The following SNX13 variants were observed in gnomAD, a reference collection of about 807,000 sequenced individuals.
SNX13 encodes the protein sorting nexin 13.
SNX13 carries 45 observed loss-of-function variants against 133.6 expected under a neutral mutation model. The ratio of observed to expected loss-of-function variants is 0.34; its 90% confidence interval spans 0.27 to 0.43. The LOEUF (loss-of-function observed/expected upper bound fraction) is 0.43. Among genes scored for constraint, SNX13 ranks in the 20% least tolerant of loss-of-function variants. The pLI, the probability that SNX13 is intolerant of heterozygous loss-of-function variation, is 1.00. For missense variants in SNX13, 1,032 were observed against 1,145.1 expected, an observed-to-expected ratio of 0.90 and a Z score of 1.43; for synonymous variants, 414 against 373.9, an observed-to-expected ratio of 1.11 and a Z score of -1.24.
chr7:17,833,486 C>T (rs1224847466), intron 15 of SNX13, among the ~76,000 whole-genome samples: 1 of 151,550 alleles, frequency 6.6e-6, no homozygotes, highest in Admixed American at 6.6e-5. Flanking sequence ...TCGAAATATT[C>T]TGACTCTTAA....
intron 1 of SNX13, among the ~76,000 whole-genome samples, chr7:17,902,242 GTTTT>G (rs71010277): frequency 0.25 from 30,227 of 120,408 alleles, 4,170 homozygotes; most frequent in Non-Finnish European, 0.32. Flanking sequence ...TACTGTCATG[GTTTT>G]TTTTTTTTTT....
chr7:17,839,058 T>C (rs1226746747), intron 13 of SNX13, among the ~76,000 whole-genome samples: 4 of 149,864 alleles, frequency 2.7e-5, no homozygotes, highest in Non-Finnish European at 5.9e-5. Context: ...TTAGATTACA[T>C]TATTAGAATA....
At chr7:17,881,316 G>T (rs1174321004) in intron 5 of SNX13, 2 of 150,614 alleles carry the variant, frequency 1.3e-5, no homozygotes, top group East Asian at 3.9e-4. Context: ...AAGGGAAAAG[G>T]TATATACATA....
At chr7:17,825,272 G>GACTAA (rs1188166134) in intron 17 of SNX13, among the ~76,000 whole-genome samples, 1 of 144,964 alleles carries the variant, frequency 6.9e-6, no homozygotes, top group Non-Finnish European at 1.6e-5. Context: ...GACTAGACTA[G>GACTAA]ACTAGACTAG....
Position 17,792,962 on chromosome 7 carries a change from A to T in SNX13, c.*1083T>A, listed in dbSNP as rs1165051535. 1 of 152,342 alleles carries T rather than the reference A, an allele frequency of 6.6e-6. No homozygotes were observed. The highest frequency in any genetic ancestry group is 1.5e-5 in the Non-Finnish European group (1 of 67,878). 9.4% of individuals were successfully genotyped at this position (152,342 alleles called of 1,614,324 possible). A position where few individuals can be genotyped will look rare whatever the true frequency, so the allele number is the denominator to read the frequency against. On this transcript the variant is annotated 3_prime_UTR_variant, in exon 26 of 26. Transcript: ENST00000428135. Reference sequence around the variant, plus strand: ...TTACATTATGTGAAATATAAATAAAAGCATATTTTTAAAAATATTATAGTT... The same window carrying T: ...TTACATTATGTGAAATATAAATAAATGCATATTTTTAAAAATATTATAGTT...
chr7:17,806,736 TCCA>T (rs958555870), intron 20 of SNX13, among the ~76,000 whole-genome samples: 4 of 152,096 alleles, frequency 2.6e-5, no homozygotes, highest in Non-Finnish European at 4.4e-5. Flanking sequence ...GGGTGATTTT[TCCA>T]TTTCCAACTG....
intron 5 of SNX13, chr7:17,882,874 C>T: frequency 7.8e-7 from 1 of 1,281,636 alleles, no homozygotes; most frequent in South Asian, 1.3e-5. Context: ...AAACAGGGTT[C>T]CAGGAAGCGG....
chr7:17,893,901 G>A (rs573119603), intron 2 of SNX13, among the ~76,000 whole-genome samples: 38 of 151,552 alleles, frequency 2.5e-4, no homozygotes, highest in African/African-American at 8.2e-4. Context: ...GAACCTGGGA[G>A]GCAGAGATTG....
rs1438228748 is a variant in SNX13, at chr7:17,798,971, G to GT, written c.2444+37dup. 3 of 1,586,224 alleles carry GT rather than the reference G, an allele frequency of 1.9e-6. No individual in the cohort carries two copies. In the African/African-American group the frequency reaches 4.1e-5, roughly 22 times the overall value. ...CCAGAAGTAAGAGTTTAATAGCTAA[G>GT]TAAGATCAGATTAAAAGCGAGGAGG... On this transcript the variant is annotated intron_variant, in intron 23 of 25. Coordinates refer to ENST00000428135, the MANE Select transcript of SNX13 (RefSeq NM_015132.5).
chr7:17,875,066 G>C (rs1794563925), intron 7 of SNX13, among the ~76,000 whole-genome samples: 1 of 152,112 alleles, frequency 6.6e-6, no homozygotes, highest in Non-Finnish European at 1.5e-5. Flanking sequence ...GAGTGCAATA[G>C]CATGATCACA....
At position 17,830,971 on chromosome 7, in the gene SNX13, T is replaced by C. The variant is rs999042005; in HGVS notation, c.1598-924A>G. The C allele has an allele frequency of 4.1e-6, 4 of 984,278 alleles. No individual in the cohort carries two copies. The Admixed American group carries it at 2.5e-4, about 61-fold the overall frequency. The allele number at this position is 984,278 out of a possible 1,614,324, so 61.0% of individuals were successfully genotyped here. ...AACATTTCTTGGTTCTTCAGCCCTC[T>C]GGTCATAAAAAAATGGGAATTTCAC... is the stretch of plus-strand genomic sequence containing the variant. On this transcript the variant is annotated intron_variant, in intron 15 of 25. Transcript: ENST00000428135.
chr7:17,903,483 C>G (rs986287883), intron 1 of SNX13, among the ~76,000 whole-genome samples: 1 of 152,166 alleles, frequency 6.6e-6, no homozygotes, highest in African/African-American at 2.4e-5. Context: ...TTAGGACTAG[C>G]TGAATTCAAA....
chr7:17,871,499 A>G (rs1188625825), intron 8 of SNX13, among the ~76,000 whole-genome samples: 1 of 152,092 alleles, frequency 6.6e-6, no homozygotes, highest in Admixed American at 6.5e-5. Context: ...TCATCTTTTC[A>G]TTGCAGTTTT....
chr7:17,845,430 T>C (rs1790397998), intron 12 of SNX13, among the ~76,000 whole-genome samples, 165 bp downstream of exon 12: 1 of 152,104 alleles, frequency 6.6e-6, no homozygotes, highest in Non-Finnish European at 1.5e-5. Flanking sequence ...TTTTGGAAGA[T>C]AAAAACAGTT....
At chr7:17,863,063 T>C (rs144712275) in intron 9 of SNX13, among the ~76,000 whole-genome samples, 1 of 152,198 alleles carries the variant, frequency 6.6e-6, no homozygotes, top group African/African-American at 2.4e-5. Context: ...GAACTCTGCT[T>C]TGAAACTGAG....
At chr7:17,917,930 A>G (rs1799735627) in intron 1 of SNX13, among the ~76,000 whole-genome samples, 2 of 152,194 alleles carry the variant, frequency 1.3e-5, no homozygotes, top group African/African-American at 4.8e-5. Flanking sequence ...GGCTACAACA[A>G]TCAAAACACC....
intron 9 of SNX13, among the ~76,000 whole-genome samples, chr7:17,852,320 C>A (rs1791319369): frequency 6.6e-6 from 1 of 151,930 alleles, no homozygotes; most frequent in Admixed American, 6.6e-5. Context: ...TTGAAGTGAG[C>A]TGAGATCGTG....
intron 9 of SNX13, among the ~76,000 whole-genome samples, chr7:17,856,177 ATTAAAGT>A (rs1791853770): frequency 6.6e-6 from 1 of 152,262 alleles, no homozygotes; most frequent in African/African-American, 2.4e-5. Context: ...ATGTGGGAGG[ATTAAAGT>A]TTAAAGTTCT....
chr7:17,923,937 T>G (rs764648036), intron 1 of SNX13, among the ~76,000 whole-genome samples: 3 of 152,190 alleles, frequency 2.0e-5, no homozygotes, highest in Non-Finnish European at 4.4e-5. Context: ...CATCTAGATA[T>G]GATAGAATTC....
Sources: gnomAD v4.1 joint callset for allele counts (sites outside exome capture counted in the v4.1 genomes callset) on GRCh38, gnomAD v4.1.1 for gene constraint, MANE v1.5 for transcripts, NCBI Gene and HGNC (gene_info 2026-07-23, HGNC 2026-07-21) for gene names.